The following PTPRG variants were observed in gnomAD, a reference collection of about 807,000 sequenced individuals.
PTPRG encodes receptor-type tyrosine-protein phosphatase gamma.
A neutral mutation model predicts 165.3 loss-of-function variants in PTPRG; 102 were observed. The observed-to-expected ratio is 0.62, with a 90% CI of 0.53 to 0.73. The LOEUF (loss-of-function observed/expected upper bound fraction) is 0.73, where lower values mean the gene tolerates loss of function less well. Ranked by LOEUF, PTPRG falls within the 30% of genes least tolerant of loss-of-function variation. PTPRG has a pLI of 0.00. For missense variants in PTPRG, 1,866 were observed against 1,861.4 expected, an observed-to-expected ratio of 1.00 and a Z score of -0.05; for synonymous variants, 675 against 669.5, an observed-to-expected ratio of 1.01 and a Z score of -0.13.
intron 17 of PTPRG, chr3:62,263,368 A>C (rs1380588901): frequency 6.4e-6 from 1 of 156,398 alleles, no homozygotes; most frequent in African/African-American, 2.4e-5. Context: ...CCATGTGCTT[A>C]CTCCTATCTA....
intron 2 of PTPRG, among the ~76,000 whole-genome samples, chr3:61,939,309 G>A (rs1575805041): frequency 6.6e-6 from 1 of 152,184 alleles, no homozygotes; most frequent in Non-Finnish European, 1.5e-5. Context: ...CCTCAAACAA[G>A]CTCCTTGCCT....
At chr3:61,956,442 C>T (rs2040032183) in intron 2 of PTPRG, among the ~76,000 whole-genome samples, 1 of 152,246 alleles carries the variant, frequency 6.6e-6, no homozygotes, top group East Asian at 1.9e-4. Context: ...ATTCTTGCCC[C>T]TCAGCCTCAC....
At chr3:61,659,485 A>T in intron 1 of PTPRG, 3 of 976,506 alleles carry the variant, frequency 3.1e-6, no homozygotes, top group Non-Finnish European at 3.7e-6. Flanking sequence ...AAGGAGAGTC[A>T]GAAGAGAAGG....
chr3:61,783,310 A>C (rs2034598610), intron 2 of PTPRG, among the ~76,000 whole-genome samples: 1 of 152,148 alleles, frequency 6.6e-6, no homozygotes, highest in Non-Finnish European at 1.5e-5. Context: ...ACTGCACTCC[A>C]ACCTGGGTGA....
At chr3:61,691,835 G>A (rs998837843) in intron 1 of PTPRG, among the ~76,000 whole-genome samples, 2 of 152,052 alleles carry the variant, frequency 1.3e-5, no homozygotes, top group African/African-American at 4.8e-5. Context: ...CTTTCCTAAG[G>A]TCTGAGAGGC....
At chr3:61,651,456 G>T (rs1372104172) in intron 1 of PTPRG, among the ~76,000 whole-genome samples, 1 of 151,998 alleles carries the variant, frequency 6.6e-6, no homozygotes, top group African/African-American at 2.4e-5. Context: ...ATGACTAGTG[G>T]TTGTTTATCC....
chr3:61,925,381 A>G (rs1223117097), intron 2 of PTPRG, among the ~76,000 whole-genome samples: 2 of 152,186 alleles, frequency 1.3e-5, no homozygotes, highest in Non-Finnish European at 2.9e-5. Flanking sequence ...CAGAGTCCAA[A>G]GCAGGAGCTG....
Position 62,295,749 on chromosome 3 carries a change from T to TG in PTPRG, c.*2442_*2443insG, listed in dbSNP as rs1703040493. The TG allele has an allele frequency of 6.6e-6, 1 of 152,082 alleles. No homozygotes were observed. The highest frequency in any genetic ancestry group is 1.5e-5 in the Non-Finnish European group (1 of 67,994). The allele number at this position is 152,082 out of a possible 1,614,324, so 9.4% of individuals were successfully genotyped here. On this transcript the variant is annotated 3_prime_UTR_variant, in exon 30 of 30. Coordinates refer to ENST00000474889, the MANE Select transcript of PTPRG (RefSeq NM_002841.4). Reference sequence around the variant, plus strand: ...TTGCTACTTGCCCATCTTGCCAAAGTAGTCCAAACACACTTCAATGAGGAC... The same window carrying TG: ...TTGCTACTTGCCCATCTTGCCAAAGTGAGTCCAAACACACTTCAATGAGGAC...
chr3:61,718,193 CAAAACAAA>C (rs2031893883), intron 1 of PTPRG, among the ~76,000 whole-genome samples: 1 of 66,434 alleles, frequency 1.5e-5, no homozygotes, highest in East Asian at 4.1e-4. Context: ...CAAAACAAAA[CAAAACAAA>C]AAAACAAAAA....
intron 2 of PTPRG, among the ~76,000 whole-genome samples, chr3:61,950,775 A>C (rs549985079): frequency 6.6e-6 from 1 of 152,354 alleles, no homozygotes; most frequent in South Asian, 2.1e-4. Flanking sequence ...TGTGAAAGTG[A>C]GTGTTTTTTG....
At chr3:62,112,300 C>T (rs1186712891) in intron 5 of PTPRG, among the ~76,000 whole-genome samples, 1 of 152,010 alleles carries the variant, frequency 6.6e-6, no homozygotes, top group Non-Finnish European at 1.5e-5. Context: ...AGGCGGGTTT[C>T]ACTATGTTGG....
chr3:61,757,336 AT>A (rs1386227518), intron 2 of PTPRG, among the ~76,000 whole-genome samples: 12 of 152,024 alleles, frequency 7.9e-5, no homozygotes, highest in South Asian at 4.2e-4. Context: ...TAGATTCATA[AT>A]TTTTTTTAAT....
intron 2 of PTPRG, among the ~76,000 whole-genome samples, chr3:61,809,520 C>T (rs973258350): frequency 2.0e-5 from 3 of 152,026 alleles, no homozygotes; most frequent in Non-Finnish European, 4.4e-5. Context: ...GGTTGAAAAA[C>T]ATGAGGCTTT....
chr3:61,794,997 TAGCAACAGAAGCAGC>T (rs1457664309), intron 2 of PTPRG, among the ~76,000 whole-genome samples: 1 of 152,188 alleles, frequency 6.6e-6, no homozygotes, highest in Non-Finnish European at 1.5e-5. Flanking sequence ...TTACTAGTAG[TAGCAACAGAAGCAGC>T]AGTATCAATG....
At chr3:61,697,629 C>T (rs1321746161) in intron 1 of PTPRG, among the ~76,000 whole-genome samples, 9 of 152,306 alleles carry the variant, frequency 5.9e-5, no homozygotes, top group Admixed American at 2.6e-4. Context: ...CAGTTCTGCT[C>T]CTTACCTTCC....
chr3:62,237,531 T>A lies in PTPRG; in HGVS notation c.2375+6220T>A, dbSNP rs1355363208. On this transcript the variant is annotated intron_variant, in intron 14 of 29. Coordinates refer to ENST00000474889, the MANE Select transcript of PTPRG (RefSeq NM_002841.4). The surrounding 1 kb of genome is among the most constrained non-coding windows in gnomAD (Gnocchi z 4.5). ...CTGATACTGGCCGATGTGTTTCACA[T>A]CCTGACTAAAAGATGTACTCTGCAC... 6.6e-6 allele frequency among the ~76,000 whole-genome samples: 1 copy of A among 152,206 alleles called. No individual in the cohort carries two copies. Among genetic ancestry groups the A allele is most frequent in the Non-Finnish European group, 1.5e-5 (1 of 68,038 alleles).
At position 62,157,203 on chromosome 3, in the gene PTPRG, C is replaced by T. The variant is rs371752893; in HGVS notation, c.819C>T (p.Pro273=). Reference sequence around the variant, plus strand: ...TGGAGTGGATAGTCTTCCGGAGACCCGTCCCCATCTCTTACCATCAGGTAG... The same window carrying T: ...TGGAGTGGATAGTCTTCCGGAGACCTGTCCCCATCTCTTACCATCAGGTAG... ...EIVEWIVFRR[P]VPISYHQLEA... is the part of the protein sequence containing the mutation. The change falls in exon 7 of 30, where the codon CCC becomes CCT. Residue 273 remains proline, a synonymous_variant. Coordinates refer to ENST00000474889, the MANE Select transcript of PTPRG (RefSeq NM_002841.4). 6.3e-5 allele frequency: 102 copies of T among 1,613,652 alleles called. No homozygotes were observed. The highest frequency in any genetic ancestry group is 3.2e-4 in the South Asian group (29 of 91,060).
At chr3:61,682,440 G>T (rs1703481997) in intron 1 of PTPRG, among the ~76,000 whole-genome samples, 1 of 152,280 alleles carries the variant, frequency 6.6e-6, no homozygotes. Flanking sequence ...TAATGGGTAT[G>T]GGTGATGGGG....
intron 1 of PTPRG, among the ~76,000 whole-genome samples, chr3:61,702,594 G>A (rs544593377): frequency 2.2e-4 from 34 of 152,314 alleles, no homozygotes; most frequent in Admixed American, 5.2e-4. Flanking sequence ...GTTTCTATAG[G>A]TGTGTTACTG....
Sources: allele counts gnomAD v4.1 joint callset (sites outside exome capture counted in the v4.1 genomes callset), GRCh38; gene constraint gnomAD v4.1.1; non-coding constraint Gnocchi (gnomAD v3.1); transcripts MANE v1.5; gene names NCBI Gene and HGNC (gene_info 2026-07-23, HGNC 2026-07-21).